LHFPL3: variants seen among roughly 807,000 people sequenced by gnomAD.
LHFPL3 encodes the protein LHFPL tetraspan subfamily member 3, also known as LHFPL tetraspan subfamily member 3 protein.
In LHFPL3, 5 loss-of-function variants were observed where a neutral mutation model predicts 19.3. The ratio of observed to expected loss-of-function variants is 0.26; its 90% CI spans 0.14 to 0.54. The LOEUF is 0.54. LHFPL3 is among the 20% of genes least tolerant of loss of function. LHFPL3 has a pLI of 0.94. For synonymous variants in LHFPL3, 133 were observed against 126.2 expected, an observed-to-expected ratio of 1.05 and a Z score of -0.36; for missense variants, 249 against 307.4, an observed-to-expected ratio of 0.81 and a Z score of 1.42.
chr7:104,641,902 G>A (rs747422812), intron 1 of LHFPL3, among the ~76,000 whole-genome samples: 1 of 152,116 alleles, frequency 6.6e-6, no homozygotes, highest in South Asian at 2.1e-4. Context: ...GATGTGATAG[G>A]TATCTGTTAT....
chr7:104,704,547 C>T (rs1793156385), intron 1 of LHFPL3, among the ~76,000 whole-genome samples: 1 of 150,062 alleles, frequency 6.7e-6, no homozygotes, highest in Non-Finnish European at 1.5e-5. Context: ...TAGTACTTCC[C>T]TCACAAATGA....
chr7:104,482,010 T>C (rs1197298481), intron 1 of LHFPL3, among the ~76,000 whole-genome samples: 1 of 152,194 alleles, frequency 6.6e-6, no homozygotes, highest in East Asian at 1.9e-4. Context: ...TACTTTTCCC[T>C]GGAGAATTAC....
intron 1 of LHFPL3, among the ~76,000 whole-genome samples, chr7:104,549,041 G>A (rs556827346): frequency 2.8e-4 from 42 of 152,282 alleles, no homozygotes; most frequent in African/African-American, 9.4e-4. Flanking sequence ...AATTGGACTT[G>A]TGGAGAAAAG....
chr7:104,815,598 C>A (rs1465137416), intron 2 of LHFPL3, among the ~76,000 whole-genome samples: 1 of 152,136 alleles, frequency 6.6e-6, no homozygotes, highest in Non-Finnish European at 1.5e-5. Context: ...AATGATTTAC[C>A]CAAAGGGACA....
At chr7:104,800,359 A>C (rs1273029995) in intron 2 of LHFPL3, among the ~76,000 whole-genome samples, 1 of 152,292 alleles carries the variant, frequency 6.6e-6, no homozygotes, top group East Asian at 1.9e-4. Context: ...CTGGAGAGTA[A>C]GTGCGATCTC....
intron 2 of LHFPL3, among the ~76,000 whole-genome samples, chr7:104,803,253 T>G (rs983735152): frequency 6.6e-6 from 1 of 152,206 alleles, no homozygotes; most frequent in African/African-American, 2.4e-5. Context: ...TTTGTTCCCT[T>G]TACACTATAT....
chr7:104,741,811 C>G (rs1365834335), intron 2 of LHFPL3, among the ~76,000 whole-genome samples: 12 of 152,132 alleles, frequency 7.9e-5, no homozygotes, highest in Admixed American at 7.9e-4. Flanking sequence ...CCCAAAGCAG[C>G]AGGATTACAA....
At chr7:104,604,375 C>G (rs1328652219) in intron 1 of LHFPL3, among the ~76,000 whole-genome samples, 1 of 152,152 alleles carries the variant, frequency 6.6e-6, no homozygotes, top group Non-Finnish European at 1.5e-5. Context: ...TATTCTGCCC[C>G]GCTAGAGCTC....
At chr7:104,724,780 T>C (rs1331880525) in intron 1 of LHFPL3, among the ~76,000 whole-genome samples, 2 of 134,606 alleles carry the variant, frequency 1.5e-5, no homozygotes, top group African/African-American at 5.0e-5. Flanking sequence ...GAAAAGAATA[T>C]ATCCAAAAGA....
chr7:104,664,381 A>T (rs150087811), intron 1 of LHFPL3, among the ~76,000 whole-genome samples: 47 of 152,336 alleles, frequency 3.1e-4, no homozygotes, highest in African/African-American at 1.1e-3. Flanking sequence ...TTTAATTAAA[A>T]ACTTTAAGAT....
At chr7:104,436,596 G>A (rs1792110392) in intron 1 of LHFPL3, among the ~76,000 whole-genome samples, 1 of 152,116 alleles carries the variant, frequency 6.6e-6, no homozygotes, top group South Asian at 2.1e-4. Context: ...AGATCATATT[G>A]ATTTTTAAAA....
intron 1 of LHFPL3, among the ~76,000 whole-genome samples, chr7:104,364,682 T>C (rs1790451846): frequency 1.3e-5 from 2 of 152,246 alleles, no homozygotes; most frequent in South Asian, 4.1e-4. Context: ...CTTATATTTT[T>C]GTCCACTCTA....
chr7:104,714,264 T>A (rs1188179934), intron 1 of LHFPL3, among the ~76,000 whole-genome samples: 1 of 152,190 alleles, frequency 6.6e-6, no homozygotes, highest in African/African-American at 2.4e-5. Flanking sequence ...TCAATTCAAT[T>A]TCTCTAGAGA....
At chr7:104,375,360 AAAG>A (rs1452450102) in intron 1 of LHFPL3, among the ~76,000 whole-genome samples, 1 of 152,144 alleles carries the variant, frequency 6.6e-6, no homozygotes, top group Non-Finnish European at 1.5e-5. Context: ...TAACAACAAA[AAAG>A]AAATAATAAT....
At chr7:104,364,048 G>A (rs1790438970) in intron 1 of LHFPL3, among the ~76,000 whole-genome samples, 1 of 152,164 alleles carries the variant, frequency 6.6e-6, no homozygotes, top group Non-Finnish European at 1.5e-5. Context: ...TCCTATATCT[G>A]AGTATTAAAA....
At chr7:104,711,558 C>T (rs1793300104) in intron 1 of LHFPL3, among the ~76,000 whole-genome samples, 1 of 152,164 alleles carries the variant, frequency 6.6e-6, no homozygotes, top group African/African-American at 2.4e-5. Context: ...TTCTGAACAT[C>T]ATTAGCCTTG....
chr7:104,759,398 TA>T (rs1794338158), intron 2 of LHFPL3, among the ~76,000 whole-genome samples: 2 of 152,212 alleles, frequency 1.3e-5, no homozygotes, highest in Admixed American at 6.5e-5. Flanking sequence ...AAATTAATTT[TA>T]ATAATATATT....
chr7:104,840,589 G>T lies in LHFPL3; in HGVS notation c.683-65598G>T, dbSNP rs374857103. Reference sequence around the variant, plus strand: ...CTACCTCAGCCTCCTGAAGTACTGGGATTACGGGCAGGAGCTACCACTCCC... The same window carrying T: ...CTACCTCAGCCTCCTGAAGTACTGGTATTACGGGCAGGAGCTACCACTCCC... On this transcript the variant is annotated intron_variant, in intron 2 of 2. Coordinates refer to ENST00000424859, the MANE Select transcript of LHFPL3 (RefSeq NM_199000.3). Among the ~76,000 whole-genome samples the T allele has an allele frequency of 3.6e-5, 5 of 139,264 alleles. No individual in the cohort carries two copies. The East Asian group carries it at 9.2e-4, about 26-fold the overall frequency. 91.4% of individuals were successfully genotyped at this position (139,264 alleles called of 152,430 possible).
intron 1 of LHFPL3, among the ~76,000 whole-genome samples, chr7:104,637,588 C>T (rs537926530): frequency 4.0e-4 from 61 of 152,200 alleles, no homozygotes; most frequent in African/African-American, 1.3e-3. Flanking sequence ...CAGTTTCAAT[C>T]CTCTGCATAT....
Sources: allele counts gnomAD v4.1 joint callset (sites outside exome capture counted in the v4.1 genomes callset), GRCh38; gene constraint gnomAD v4.1.1; transcripts MANE v1.5; gene names NCBI Gene and HGNC (gene_info 2026-07-23, HGNC 2026-07-21).